Variants in CENPK observed in about 807,000 individuals in gnomAD.
CENPK encodes the protein centromere protein K.
In CENPK, 46 loss-of-function variants were observed where a neutral mutation model predicts 40.9. The ratio of observed to expected loss-of-function variants is 1.13; its 90% confidence interval spans 0.89 to 1.44. The LOEUF is 1.44. Ranked by LOEUF, CENPK falls within the 40% of genes most tolerant of loss-of-function variation. The pLI is 0.00. For synonymous variants in CENPK, 107 were observed against 104.4 expected (o/e 1.02, Z -0.15); for missense variants, 288 against 303.5 (o/e 0.95, Z 0.38).
At chr5:65,537,461 C>T (rs1029036996) in intron 6 of CENPK, among the ~76,000 whole-genome samples, 3 of 152,138 alleles carry the variant, frequency 2.0e-5, no homozygotes, top group Non-Finnish European at 4.4e-5. Context: ...CCCGCCACCA[C>T]GCCCAGCTAA....
At chr5:65,498,957 CT>C in the CENPK span, among the ~76,000 whole-genome samples, 1 of 151,922 alleles carries the variant, frequency 6.6e-6, no homozygotes, top group Non-Finnish European at 1.5e-5. Context: ...CATTTTTGCT[CT>C]TTCCTGTTGT....
At chr5:65,560,388 A>C (rs1051392236) in intron 2 of CENPK, among the ~76,000 whole-genome samples, 22 of 152,138 alleles carry the variant, frequency 1.4e-4, no homozygotes, top group African/African-American at 5.3e-4. Flanking sequence ...AAGGGGGAAA[A>C]GGGTTGTGGC....
downstream of CENPK, among the ~76,000 whole-genome samples, chr5:65,514,273 G>GT (rs1742710425): frequency 4.0e-5 from 2 of 50,556 alleles, no homozygotes; most frequent in African/African-American, 7.8e-5. Context: ...GTTTTTTTTA[G>GT]TTTTTTTTGA....
intron 3 of CENPK, among the ~76,000 whole-genome samples, chr5:65,554,491 C>T (rs1486696502): frequency 6.6e-6 from 1 of 152,092 alleles, no homozygotes; most frequent in Non-Finnish European, 1.5e-5. Flanking sequence ...GTTTAGCACT[C>T]CTGCTAAGTA....
In CENPK at chr5:65,554,904, T is replaced by C; in HGVS notation, c.4A>G (p.Asn2Asp). 9 of 1,539,604 alleles carry C rather than the reference T, an allele frequency of 5.8e-6. No individual in the cohort carries two copies. The highest frequency in any genetic ancestry group is 8.1e-6 in the Non-Finnish European group (9 of 1,115,880). The change falls in exon 3 of 11, where the codon AAT becomes GAT. Residue 2 changes from asparagine (N) to aspartate (D), a missense_variant. By Grantham distance (23) the Asn-to-Asp change is conservative (BLOSUM62 1). Coordinates refer to ENST00000396679, the MANE Select transcript of CENPK (RefSeq NM_022145.5). M[N>D]QEDLDPDSTT... ...CTATCCGGATCTAGATCCTCCTGAT[T>C]CATTGATATATGCTTTGTGAATTTT...
intron 10 of CENPK, among the ~76,000 whole-genome samples, chr5:65,521,234 C>T (rs1004787832): frequency 6.6e-6 from 1 of 151,890 alleles, no homozygotes; most frequent in Non-Finnish European, 1.5e-5. Flanking sequence ...ATCTTGGGAA[C>T]ATGATTAAGA....
intron 2 of CENPK, among the ~76,000 whole-genome samples, chr5:65,558,797 A>G (rs447824): frequency 0.59 from 90,110 of 151,962 alleles, 27,079 homozygotes; most frequent in Non-Finnish European, 0.63. Context: ...AAGAGAGAAC[A>G]TAATCACTAG....
chr5:65,524,262 G>A (rs1030344403), intron 9 of CENPK, among the ~76,000 whole-genome samples: 5 of 149,146 alleles, frequency 3.4e-5, no homozygotes, highest in African/African-American at 1.2e-4. Context: ...GCAGGCGCCT[G>A]TACTCCCAGC....
At chr5:65,513,556 C>A (rs936042053), downstream of CENPK, among the ~76,000 whole-genome samples, 25 of 152,160 alleles carry the variant, frequency 1.6e-4, no homozygotes, top group African/African-American at 6.0e-4. Context: ...TCTCTACTCT[C>A]TTTTGGTGCT....
chr5:65,508,814 CTG>C, the CENPK span, among the ~76,000 whole-genome samples: 1 of 135,716 alleles, frequency 7.4e-6, no homozygotes, highest in Non-Finnish European at 1.6e-5. Context: ...AAAGCTAAAA[CTG>C]TGAAACTTCT....
chr5:65,503,430 T>A, the CENPK span, among the ~76,000 whole-genome samples: 1 of 152,104 alleles, frequency 6.6e-6, no homozygotes, highest in Middle Eastern at 3.4e-3. Flanking sequence ...AGGATGAATG[T>A]CTTCTAATTG....
downstream of CENPK, among the ~76,000 whole-genome samples, chr5:65,513,648 C>T (rs899929159): frequency 5.3e-5 from 8 of 152,290 alleles, no homozygotes; most frequent in Middle Eastern, 3.4e-3. Context: ...ATGAACCATA[C>T]ATTCTCTGTA....
chr5:65,499,490 G>A, the CENPK span, among the ~76,000 whole-genome samples: 2 of 151,570 alleles, frequency 1.3e-5, no homozygotes, highest in Non-Finnish European at 1.5e-5. Flanking sequence ...GTGTCTTGGT[G>A]TAGACTTCTT....
At chr5:65,509,644 G>A in the CENPK span, among the ~76,000 whole-genome samples, 1 of 152,118 alleles carries the variant, frequency 6.6e-6, no homozygotes, top group Non-Finnish European at 1.5e-5. Flanking sequence ...ACGCATTTGG[G>A]TCAATACCTA....
the CENPK span, among the ~76,000 whole-genome samples, chr5:65,498,451 C>T: frequency 1.2e-4 from 18 of 151,892 alleles, no homozygotes; most frequent in Non-Finnish European, 2.4e-4. Context: ...ACCTCTTTAC[C>T]TTTCCCCAGT....
intron 6 of CENPK, among the ~76,000 whole-genome samples, chr5:65,537,736 C>T (rs1192058634): frequency 2.0e-5 from 3 of 152,122 alleles, no homozygotes; most frequent in African/African-American, 4.8e-5. Context: ...CATATTTTAG[C>T]ATGTATCTCC....
intron 6 of CENPK, among the ~76,000 whole-genome samples, chr5:65,534,050 C>CAAAAAAAAAAAAAA (rs60018569): frequency 1.1e-5 from 1 of 90,978 alleles, no homozygotes; most frequent in Non-Finnish European, 2.0e-5. Flanking sequence ...ACCGTCTCAA[C>CAAAAAAAAAAAAAA]AAAAAAAAAA....
chr5:65,518,763 A>C, intron 10 of CENPK, 130 bp from the exon 11 acceptor site: 1 of 596,508 alleles, frequency 1.7e-6, no homozygotes. Flanking sequence ...TAATCTACAA[A>C]TTTGAATTTC....
At chr5:65,529,066 A>T in intron 7 of CENPK, 49 bp from the exon 8 acceptor site, 1 of 1,539,330 alleles carries the variant, frequency 6.5e-7, no homozygotes, top group East Asian at 2.3e-5. Context: ...AAAACTTTAA[A>T]TGTCACTTAA....
Sources: allele counts gnomAD v4.1 joint callset (sites outside exome capture counted in the v4.1 genomes callset), GRCh38; gene constraint gnomAD v4.1.1; transcripts MANE v1.5; gene names NCBI Gene and HGNC (gene_info 2026-07-23, HGNC 2026-07-21).